Variants in RELCH observed in about 807,000 individuals in gnomAD.
RELCH encodes the protein RAB11 binding and LisH domain, coiled-coil and HEAT repeat containing.
Under a neutral mutation model 150.3 loss-of-function variants are expected in RELCH, and 41 were observed. The ratio of observed to expected loss-of-function variants is 0.27; its 90% CI spans 0.21 to 0.35. RELCH has a LOEUF of 0.35. RELCH is among the 10% of genes least tolerant of loss of function. The probability of loss-of-function intolerance (pLI) is 1.00; values close to 1 mark genes in which losing one functional copy is unlikely to be tolerated. For missense variants in RELCH, 1,092 were observed against 1,467.8 expected (o/e 0.74, Z 4.18); for synonymous variants, 478 against 531.8 (o/e 0.90, Z 1.39).
chr18:62,193,226 T>C (rs191063620), intron 1 of RELCH, among the ~76,000 whole-genome samples: 1 of 152,326 alleles, frequency 6.6e-6, no homozygotes, highest in African/African-American at 2.4e-5. Flanking sequence ...TTTTGTATCC[T>C]GAGACTTTGC....
intron 1 of RELCH, among the ~76,000 whole-genome samples, chr18:62,195,455 T>C: frequency 6.6e-6 from 1 of 152,186 alleles, no homozygotes; most frequent in East Asian, 1.9e-4. Context: ...GTAATGCTTT[T>C]TCTGCTTGAA....
intron 28 of RELCH, chr18:62,300,350 A>C (rs1446340690): frequency 6.6e-6 from 1 of 152,090 alleles, no homozygotes; most frequent in African/African-American, 2.4e-5. Flanking sequence ...GCTAGTTCCT[A>C]CTCATCCTTC....
chr18:62,187,995 CG>C lies in RELCH; in HGVS notation c.493del (p.Glu165AsnfsTer23). ...AGCCGGCGTTGGGGGCGCTGGAGGT[CG>C]GGAACCGAGTACAGCGTCGGGCGGG... ...GAAGVGGAGG[R>X]EPSTASGGGQ... On this transcript the variant is annotated frameshift_variant, in exon 1 of 29. Coordinates refer to ENST00000644646, the MANE Select transcript of RELCH (RefSeq NM_001346231.2). LOFTEE classifies it high-confidence loss of function. The C allele has an allele frequency of 6.3e-7, 1 of 1,596,240 alleles. No individual in the cohort carries two copies.
chr18:62,257,053 G>A (rs2043024219), intron 13 of RELCH, among the ~76,000 whole-genome samples: 1 of 152,132 alleles, frequency 6.6e-6, no homozygotes, highest in South Asian at 2.1e-4. Flanking sequence ...AAATCATGCT[G>A]TAAATTTATG....
intron 27 of RELCH, among the ~76,000 whole-genome samples, chr18:62,292,869 T>G (rs2045222765): frequency 6.6e-6 from 1 of 152,202 alleles, no homozygotes; most frequent in African/African-American, 2.4e-5. Context: ...ATATCCTAAT[T>G]TTTCTCCAAT....
intron 1 of RELCH, among the ~76,000 whole-genome samples, chr18:62,191,337 C>A (rs1471266963): frequency 6.6e-6 from 1 of 152,064 alleles, no homozygotes; most frequent in Non-Finnish European, 1.5e-5. Flanking sequence ...TTTCTATTTC[C>A]CTGATGACTA....
chr18:62,237,122 C>G (rs2041915421), intron 10 of RELCH, among the ~76,000 whole-genome samples: 1 of 151,682 alleles, frequency 6.6e-6, no homozygotes, highest in African/African-American at 2.4e-5. Flanking sequence ...GTTACTGATT[C>G]TTAATTTCAT....
chr18:62,254,608 C>A (rs1039530568), intron 12 of RELCH: 4 of 152,092 alleles, frequency 2.6e-5, no homozygotes, highest in East Asian at 3.9e-4. Flanking sequence ...CCTGAGTAAA[C>A]TTGGATATCG....
intron 25 of RELCH, 149 bp downstream of exon 25, chr18:62,282,593 C>T (rs986401433): frequency 1.2e-5 from 9 of 736,610 alleles, no homozygotes; most frequent in African/African-American, 9.1e-5. Context: ...CTCTTGTGTA[C>T]TGAAAGCTAA....
rs1255059966 is a variant in RELCH at position 62,308,333 on chromosome 18, G to T, written c.*2799G>T. On this transcript the variant is annotated 3_prime_UTR_variant, in exon 29 of 29. Transcript: ENST00000644646. ...CTAACTACAGCTAACATTCTGTGCT[G>T]GTTATATTTTCTTAACTATTCTTTG... 2.0e-5 allele frequency: 3 copies of T among 152,130 alleles called. No individual in the cohort carries two copies. Among genetic ancestry groups the T allele is most frequent in the Non-Finnish European group, 4.4e-5 (3 of 68,016 alleles). The allele number at this position is 152,130 out of a possible 1,614,324, so 9.4% of individuals were successfully genotyped here.
intron 2 of RELCH, among the ~76,000 whole-genome samples, chr18:62,220,136 A>T (rs916645880): frequency 3.3e-5 from 5 of 152,114 alleles, no homozygotes; most frequent in Non-Finnish European, 5.9e-5. Flanking sequence ...ACTCTGTGAT[A>T]ATAGGAGAAA....
At chr18:62,189,390 G>T (rs1291796388) in intron 1 of RELCH, among the ~76,000 whole-genome samples, 1 of 151,746 alleles carries the variant, frequency 6.6e-6, no homozygotes, top group Non-Finnish European at 1.5e-5. Flanking sequence ...CCAGGCTTAG[G>T]TAGTTGCTTG....
intron 1 of RELCH, among the ~76,000 whole-genome samples, chr18:62,193,467 T>G (rs1316368981): frequency 6.6e-6 from 1 of 152,204 alleles, no homozygotes; most frequent in Non-Finnish European, 1.5e-5. Context: ...TGCTTCCAGC[T>G]TTTGCCCATT....
chr18:62,228,415 A>T lies in RELCH; in HGVS notation c.1265A>T (p.His422Leu). Residue 422 changes from histidine to leucine, a missense_variant, in exon 8 of 29, where the codon CAT becomes CTT. This residue lies in a region of RELCH where 707 missense variants were observed against 1,025.4 expected (regional missense o/e 0.69). Transcript: ENST00000644646. ...PHKDSEDSGQ[H>L]PDVNSSDKGK... ...AAAGACTCTGAGGACAGTGGACAGC[A>T]TCCAGATGTAAATAGTTCAGACAAG... 10 of 1,613,400 alleles carry T rather than the reference A, an allele frequency of 6.2e-6. No homozygotes were observed. Among genetic ancestry groups the T allele is most frequent in the Non-Finnish European group, 8.5e-6 (10 of 1,179,596 alleles).
In RELCH at chr18:62,280,630, G is replaced by C; in HGVS notation, c.3051-16G>C. ...CATCTCAAATCTTCAGTTTCTTTCT[G>C]TTTTAATTCTAACAGCTCTGTCAGG... On this transcript the variant is annotated splice_polypyrimidine_tract_variant and intron_variant, in intron 23 of 28. Coordinates refer to ENST00000644646, the MANE Select transcript of RELCH (RefSeq NM_001346231.2). 2 of 1,600,088 alleles carry C rather than the reference G, an allele frequency of 1.2e-6. No homozygotes were observed. The highest frequency in any genetic ancestry group is 2.2e-5 in the South Asian group (2 of 90,544).
At chr18:62,280,833 G>C in intron 24 of RELCH, 124 bp downstream of exon 24, 1 of 628,334 alleles carries the variant, frequency 1.6e-6, no homozygotes, top group Non-Finnish European at 2.8e-6. Flanking sequence ...TTACAGGCCA[G>C]AGGAGGATCT....
At chr18:62,294,817 T>A (rs1228501679) in intron 27 of RELCH, among the ~76,000 whole-genome samples, 1 of 152,204 alleles carries the variant, frequency 6.6e-6, no homozygotes, top group African/African-American at 2.4e-5. Flanking sequence ...GCATTCCAAT[T>A]ATATTTCTTT....
intron 15 of RELCH, 24 bp from the exon 16 acceptor site, chr18:62,261,486 TA>T: frequency 6.2e-7 from 1 of 1,605,418 alleles, no homozygotes; most frequent in Non-Finnish European, 8.5e-7. Context: ...AGACTAAAAT[TA>T]GCTTCCACCT....
At chr18:62,277,570 T>C (rs1303749750) in intron 22 of RELCH, 11 of 824,420 alleles carry the variant, frequency 1.3e-5, no homozygotes, top group Non-Finnish European at 1.5e-5. Flanking sequence ...AAAAACACAT[T>C]CTTTTTTTAA....
Sources: gnomAD v4.1 joint callset for allele counts (sites outside exome capture counted in the v4.1 genomes callset) on GRCh38, gnomAD v4.1.1 for gene constraint, gnomAD v4.1.1 regional missense constraint, MANE v1.5 for transcripts, NCBI Gene and HGNC (gene_info 2026-07-23, HGNC 2026-07-21) for gene names.